The following NPAS3 variants were observed in gnomAD, a reference collection of about 807,000 sequenced individuals.
NPAS3 encodes neuronal PAS domain-containing protein 3.
In NPAS3, 14 loss-of-function variants were observed where a neutral mutation model predicts 73.1. The ratio of observed to expected loss-of-function variants is 0.19; its 90% CI spans 0.13 to 0.30. The LOEUF (loss-of-function observed/expected upper bound fraction) is 0.30. Ranked by LOEUF, NPAS3 falls within the 10% of genes least tolerant of loss-of-function variation. NPAS3 has a pLI of 1.00. For missense variants in NPAS3, 1,096 were observed against 1,250.0 expected (o/e 0.88, Z 1.86); for synonymous variants, 620 against 541.5 (o/e 1.14, Z -2.01).
At chr14:33,337,649 C>T (rs2044288956) in intron 3 of NPAS3, among the ~76,000 whole-genome samples, 1 of 151,914 alleles carries the variant, frequency 6.6e-6, no homozygotes, top group South Asian at 2.1e-4. Context: ...TATAGAAATT[C>T]CACTGAATCT....
intron 7 of NPAS3, among the ~76,000 whole-genome samples, chr14:33,763,856 TTC>T (rs1477805610): frequency 6.6e-6 from 1 of 151,986 alleles, no homozygotes; most frequent in African/African-American, 2.4e-5. Flanking sequence ...TTTTTTTTTT[TTC>T]CAAAATATAT....
intron 1 of NPAS3, among the ~76,000 whole-genome samples, chr14:33,034,742 A>T (rs1166490371): frequency 6.6e-6 from 1 of 152,140 alleles, no homozygotes; most frequent in Non-Finnish European, 1.5e-5. Context: ...ACAGTTACAG[A>T]TTATAGTACT....
chr14:33,627,158 A>G (rs1383439113), intron 5 of NPAS3, among the ~76,000 whole-genome samples: 1 of 152,188 alleles, frequency 6.6e-6, no homozygotes, highest in Non-Finnish European at 1.5e-5. Context: ...AGCATTTTCA[A>G]TAAGATCCAT....
intron 4 of NPAS3, among the ~76,000 whole-genome samples, chr14:33,549,704 A>G (rs1202602724): frequency 6.6e-6 from 1 of 152,184 alleles, no homozygotes; most frequent in South Asian, 2.1e-4. Context: ...AATCACCTTA[A>G]TATATCTGCG....
chr14:33,203,982 G>A (rs2046724101), intron 2 of NPAS3, among the ~76,000 whole-genome samples: 1 of 152,162 alleles, frequency 6.6e-6, no homozygotes, highest in Non-Finnish European at 1.5e-5. Flanking sequence ...TCCAGCACCT[G>A]TTGTGTCCTG....
intron 5 of NPAS3, among the ~76,000 whole-genome samples, chr14:33,578,535 G>C (rs1418341806): frequency 2.6e-5 from 4 of 152,044 alleles, no homozygotes; most frequent in Non-Finnish European, 5.9e-5. Flanking sequence ...TGGCCAGTGG[G>C]GCTAATAATC....
chr14:33,105,632 T>G (rs886744658), intron 2 of NPAS3, among the ~76,000 whole-genome samples: 1 of 152,160 alleles, frequency 6.6e-6, no homozygotes, highest in Non-Finnish European at 1.5e-5. Context: ...TAGATAAATA[T>G]GCAGATGTGT....
intron 4 of NPAS3, among the ~76,000 whole-genome samples, chr14:33,407,557 C>T (rs2047722003): frequency 6.6e-6 from 1 of 152,102 alleles, no homozygotes. Flanking sequence ...TCAGTGATGG[C>T]ATATGGTGTA....
At chr14:33,310,390 G>A (rs529048008) in intron 3 of NPAS3, among the ~76,000 whole-genome samples, 4 of 152,134 alleles carry the variant, frequency 2.6e-5, no homozygotes, top group Non-Finnish European at 4.4e-5. Context: ...AAATTACTGG[G>A]GGATTTCCTG....
chr14:33,218,062 G>A (rs915280192), intron 3 of NPAS3, among the ~76,000 whole-genome samples: 5 of 152,120 alleles, frequency 3.3e-5, no homozygotes, highest in African/African-American at 1.2e-4. Flanking sequence ...ATAAAAAGAA[G>A]ATAAAATGTG....
intron 3 of NPAS3, among the ~76,000 whole-genome samples, chr14:33,276,862 A>G (rs1405326250): frequency 2.0e-5 from 3 of 152,128 alleles, no homozygotes; most frequent in African/African-American, 7.2e-5. Context: ...CTAAGGTAGA[A>G]TTCTGCTTTC....
chr14:32,992,677 G>A (rs2038383091), intron 1 of NPAS3, among the ~76,000 whole-genome samples: 1 of 152,138 alleles, frequency 6.6e-6, no homozygotes. Flanking sequence ...ATATCTTCAT[G>A]TGAAGATACT....
intron 3 of NPAS3, among the ~76,000 whole-genome samples, chr14:33,227,094 G>C (rs1012867029): frequency 6.6e-6 from 1 of 152,194 alleles, no homozygotes; most frequent in African/African-American, 2.4e-5. Flanking sequence ...AAAGGAAGCA[G>C]GGATGTTGAT....
chr14:33,095,496 G>T (rs1433358530), intron 2 of NPAS3, among the ~76,000 whole-genome samples: 1 of 152,048 alleles, frequency 6.6e-6, no homozygotes, highest in Non-Finnish European at 1.5e-5. Flanking sequence ...AGAAAACAGA[G>T]ATCTGAAAGA....
At chr14:33,617,871 T>C (rs1309364981) in intron 5 of NPAS3, among the ~76,000 whole-genome samples, 2 of 152,068 alleles carry the variant, frequency 1.3e-5, no homozygotes, top group African/African-American at 4.8e-5. Flanking sequence ...CCATTTCACT[T>C]CTCTGGCAAT....
chr14:33,615,371 G>A (rs2057881759), intron 5 of NPAS3, among the ~76,000 whole-genome samples: 1 of 152,180 alleles, frequency 6.6e-6, no homozygotes, highest in South Asian at 2.1e-4. Flanking sequence ...TCAAGGAGCT[G>A]TGACAGCAGC....
At chr14:33,149,890 C>T (rs1222901541) in intron 2 of NPAS3, among the ~76,000 whole-genome samples, 1 of 152,116 alleles carries the variant, frequency 6.6e-6, no homozygotes. Context: ...CACCCATTAA[C>T]CTGTCATCTA....
intron 5 of NPAS3, among the ~76,000 whole-genome samples, chr14:33,644,051 A>G (rs2058753719): frequency 6.6e-6 from 1 of 152,228 alleles, no homozygotes; most frequent in South Asian, 2.1e-4. Flanking sequence ...AGGTGAAAGA[A>G]AAAGTAGTGG....
At chr14:33,579,119 C>T (rs919577243) in intron 5 of NPAS3, among the ~76,000 whole-genome samples, 2 of 152,210 alleles carry the variant, frequency 1.3e-5, no homozygotes, top group African/African-American at 4.8e-5. Flanking sequence ...ATTCTGCTAT[C>T]ATTCCAGTTT....
Sources: gnomAD v4.1 joint callset for allele counts (sites outside exome capture counted in the v4.1 genomes callset) on GRCh38, gnomAD v4.1.1 for gene constraint, MANE v1.5 for transcripts, NCBI Gene and HGNC (gene_info 2026-07-23, HGNC 2026-07-21) for gene names.